Variants in MYOF observed in about 807,000 individuals in gnomAD.
The protein encoded by MYOF is myoferlin.
In MYOF, 244 loss-of-function variants were observed where a neutral mutation model predicts 284.2. The observed-to-expected ratio is 0.86, with a 90% CI of 0.77 to 0.95. The LOEUF (loss-of-function observed/expected upper bound fraction) is 0.95, where lower values mean the gene tolerates loss of function less well. Among genes scored for constraint, MYOF ranks in the 40% least tolerant of loss-of-function variants. MYOF has a pLI of 0.00. For missense variants in MYOF, 2,496 were observed against 2,560.6 expected (o/e 0.97, Z 0.54); for synonymous variants, 904 against 919.7 (o/e 0.98, Z 0.31).
At chr10:93,465,538 C>CTTTTTTTTTTT (rs71031511) in intron 1 of MYOF, among the ~76,000 whole-genome samples, 2,693 of 111,910 alleles carry the variant, frequency 0.024, 37 homozygotes, top group Non-Finnish European at 0.036. Flanking sequence ...TTTTTCTTTT[C>CTTTTTTTTTTT]TTTTTTTTTT....
chr10:93,387,690 G>C, intron 19 of MYOF, 107 bp downstream of exon 19: 1 of 813,952 alleles, frequency 1.2e-6, no homozygotes. Context: ...ACATCCAGAT[G>C]AGGGCCTCAT....
intron 5 of MYOF, among the ~76,000 whole-genome samples, chr10:93,414,233 C>T (rs553096765): frequency 3.3e-5 from 5 of 152,012 alleles, no homozygotes; most frequent in African/African-American, 4.8e-5. Flanking sequence ...TGTGTCCTCC[C>T]GTCTTCTCAT....
chr10:93,471,452 T>A (rs533576288), intron 1 of MYOF, among the ~76,000 whole-genome samples: 18 of 152,188 alleles, frequency 1.2e-4, no homozygotes, highest in African/African-American at 4.3e-4. Context: ...GGTTGTGTAG[T>A]CAGAGGTTGT....
At chr10:93,358,319 G>A (rs1844907253) in intron 29 of MYOF, among the ~76,000 whole-genome samples, 1 of 152,162 alleles carries the variant, frequency 6.6e-6, no homozygotes. Flanking sequence ...GTGAGGCTGT[G>A]GAGAAATAGG....
At chr10:93,321,698 CT>C (rs149149242) in intron 48 of MYOF, among the ~76,000 whole-genome samples, 1 of 151,928 alleles carries the variant, frequency 6.6e-6, no homozygotes, top group African/African-American at 2.4e-5. Flanking sequence ...CTCTTCCTCT[CT>C]TTTTTTGGTG....
At chr10:93,341,389 C>A (rs1256404492) in intron 38 of MYOF, among the ~76,000 whole-genome samples, 1 of 152,008 alleles carries the variant, frequency 6.6e-6, no homozygotes, top group East Asian at 1.9e-4. Flanking sequence ...GATTCTCCTG[C>A]CTCAGCCTCC....
Position 93,445,452 on chromosome 10 carries a change from C to T in MYOF, c.236+6598G>A, listed in dbSNP as rs373635796. On this transcript the variant is annotated intron_variant, in intron 3 of 53. Coordinates refer to ENST00000359263, the MANE Select transcript of MYOF (RefSeq NM_013451.4). ...TTCATTCTTCAGCCTCTGGGAAAAT[C>T]TTTCCACTCTGACATTTCCTCTAAA... is the stretch of plus-strand genomic sequence containing the variant. Among the ~76,000 whole-genome samples, 51 of 152,388 alleles carry T rather than the reference C, an allele frequency of 3.3e-4. No homozygotes were observed. The East Asian group carries it at 8.7e-3, about 26-fold the overall frequency.
chr10:93,431,746 C>CTTTTTTTTTTTT (rs35400002), intron 3 of MYOF, among the ~76,000 whole-genome samples: 5 of 131,794 alleles, frequency 3.8e-5, no homozygotes, highest in Non-Finnish European at 6.4e-5. Flanking sequence ...TCTTTCTTTT[C>CTTTTTTTTTTTT]TTTTTTTTTT....
At chr10:93,325,734 AT>A (rs1401380956) in intron 46 of MYOF, 91 bp downstream of exon 46, 1 of 1,414,548 alleles carries the variant, frequency 7.1e-7, no homozygotes, top group Non-Finnish European at 9.6e-7. Context: ...ATCTCAAAGT[AT>A]TCAAAGAAGA....
Position 93,353,818 on chromosome 10 carries a change from G to T in MYOF, c.3474C>A (p.Ser1158Arg). Residue 1158 changes from serine (S) to arginine (R), a missense_variant, in exon 32 of 54, where the codon AGC (serine) becomes AGA (arginine). This residue lies in a region of MYOF where 2,436 missense variants were observed against 2,480.7 expected (regional missense o/e 0.98). Coordinates refer to ENST00000359263, the MANE Select transcript of MYOF (RefSeq NM_013451.4). ...AGATTTTTTTTCCTTTACCTGAAAAGCTATCCTTATCTAAAGCCAAGAGGT... is the reference window on the plus strand; with the variant it reads ...AGATTTTTTTTCCTTTACCTGAAAATCTATCCTTATCTAAAGCCAAGAGGT... ...ARNLLALDKD[S>R]FSDPYAHICF... 1.9e-6 allele frequency: 3 copies of T among 1,607,538 alleles called. No individual in the cohort carries two copies. The highest frequency in any genetic ancestry group is 1.1e-5 in the South Asian group (1 of 90,028).
chr10:93,320,498 ATAAATTATTCT>A (rs769834914), intron 48 of MYOF, among the ~76,000 whole-genome samples: 9 of 152,246 alleles, frequency 5.9e-5, no homozygotes, highest in South Asian at 2.1e-4. Flanking sequence ...CTTCCTTTTT[ATAAATTATTCT>A]TAAATTCACT....
At chr10:93,386,334 G>A (rs1055573633) in intron 19 of MYOF, among the ~76,000 whole-genome samples, 1 of 152,064 alleles carries the variant, frequency 6.6e-6, no homozygotes, top group Admixed American at 6.5e-5. Context: ...GCAATTCCTG[G>A]ACTTCAGAGT....
At chr10:93,309,143 T>C (rs1842270387) in intron 53 of MYOF, among the ~76,000 whole-genome samples, 1 of 152,188 alleles carries the variant, frequency 6.6e-6, no homozygotes, top group South Asian at 2.1e-4. Flanking sequence ...CAAACTTGAA[T>C]GTCCCCTCCT....
chr10:93,369,741 A>G lies in MYOF; in HGVS notation c.2493T>C (p.Pro831=). The stretch of plus-strand genomic sequence containing the variant: ...GCCAGATGTTCACTCGCAACTCCAC[A>G]GGCACCTTTGGCCCGTTGTTTTTCT... ...PQEKNNGPKV[P]VELRVNIWLG... is the part of the protein sequence containing the mutation. Residue 831 remains proline, a synonymous_variant, in exon 25 of 54, where the codon CCT becomes CCC. Coordinates refer to ENST00000359263, the MANE Select transcript of MYOF (RefSeq NM_013451.4). The G allele has an allele frequency of 1.2e-6, 2 of 1,614,186 alleles. No homozygotes were observed. The highest frequency in any genetic ancestry group is 1.7e-6 in the Non-Finnish European group (2 of 1,180,022).
intron 1 of MYOF, among the ~76,000 whole-genome samples, chr10:93,479,471 C>T (rs529803316): frequency 6.6e-6 from 1 of 152,296 alleles, no homozygotes; most frequent in South Asian, 2.1e-4. Context: ...AAAGGGTTTG[C>T]CATCACCAGG....
At chr10:93,430,892 A>G (rs1848813653) in intron 4 of MYOF, among the ~76,000 whole-genome samples, 1 of 152,232 alleles carries the variant, frequency 6.6e-6, no homozygotes, top group Admixed American at 6.5e-5. Flanking sequence ...CACTTGAGAA[A>G]GATCACCAGA....
intron 12 of MYOF, among the ~76,000 whole-genome samples, chr10:93,400,510 A>G (rs1216398536): frequency 6.6e-6 from 1 of 151,996 alleles, no homozygotes; most frequent in Non-Finnish European, 1.5e-5. Flanking sequence ...GGGAGGCCCT[A>G]CAATACTATC....
chr10:93,422,292 G>T (rs1589543100), intron 5 of MYOF, among the ~76,000 whole-genome samples: 2 of 152,172 alleles, frequency 1.3e-5, no homozygotes, highest in East Asian at 3.8e-4. Context: ...CAAAGTCAGG[G>T]ATTCTAAAGA....
At chr10:93,431,593 T>C in intron 3 of MYOF, 77 bp from the exon 4 acceptor site, 2 of 1,021,334 alleles carry the variant, frequency 2.0e-6, no homozygotes, top group Non-Finnish European at 3.0e-6. Flanking sequence ...TCTCAACCCC[T>C]ACCTCTTCAT....
Sources: allele counts gnomAD v4.1 joint callset (sites outside exome capture counted in the v4.1 genomes callset), GRCh38; gene constraint gnomAD v4.1.1; regional missense constraint gnomAD v4.1.1; transcripts MANE v1.5; gene names NCBI Gene and HGNC (gene_info 2026-07-23, HGNC 2026-07-21).